The following CCAR2 variants were observed in gnomAD, a reference collection of about 807,000 sequenced individuals.
CCAR2 encodes the protein cell cycle and apoptosis regulator protein 2.
CCAR2 carries 21 observed loss-of-function variants against 108.1 expected under a neutral mutation model. The ratio of observed to expected loss-of-function variants is 0.19; its 90% CI spans 0.14 to 0.28. The LOEUF (loss-of-function observed/expected upper bound fraction) is 0.28. Ranked by LOEUF, CCAR2 falls within the 10% of genes least tolerant of loss-of-function variation. The pLI is 1.00. For missense variants in CCAR2, 1,126 were observed against 1,177.0 expected (o/e 0.96, Z 0.63); for synonymous variants, 577 against 472.8 (o/e 1.22, Z -2.86).
Position 22,619,818 on chromosome 8 carries a change from T to C in CCAR2, c.*136T>C. 1.1e-6 allele frequency: 1 copy of C among 900,868 alleles called. No individual in the cohort carries two copies. The highest frequency in any genetic ancestry group is 1.7e-6 in the Non-Finnish European group (1 of 577,692). The allele number at this position is 900,868 out of a possible 1,614,324, so 55.8% of individuals were successfully genotyped here. A position where few individuals can be genotyped will look rare whatever the true frequency, so the allele number is the denominator to read the frequency against. The stretch of plus-strand genomic sequence containing the variant: ...GGTGGCTGACCCCATGCTCAGCCTC[T>C]AGGGGACGGCAGGCCATCAGGCTGG... On this transcript the variant is annotated 3_prime_UTR_variant, in exon 21 of 21. Coordinates refer to ENST00000308511, the MANE Select transcript of CCAR2 (RefSeq NM_001393997.1).
chr8:22,617,739 A>G lies in CCAR2; in HGVS notation c.2034A>G (p.Ser678=), dbSNP rs1312121056. The G allele has an allele frequency of 1.4e-5, 23 of 1,613,960 alleles. No homozygotes were observed. The highest frequency in any genetic ancestry group is 2.7e-5 in the African/African-American group (2 of 74,916). The part of the protein sequence containing the change: ...LEDSEVRSVA[S]NQSEMEFSSL... ...ATTCGGAGGTCCGGTCCGTTGCCTC[A>G]AACCAGTCAGAGATGGAGTTCTCTT... Residue 678 remains serine (S), a synonymous_variant, in exon 16 of 21, where the codon TCA becomes TCG. Transcript: ENST00000308511.
intron 10 of CCAR2, 164 bp from the exon 11 acceptor site, chr8:22,614,673 AG>A (rs1563918324): frequency 5.7e-6 from 6 of 1,055,816 alleles, no homozygotes; most frequent in Non-Finnish European, 8.5e-6. Context: ...ACGACTAGTC[AG>A]AGAGAGCGAG....
intron 1 of CCAR2, 30 bp downstream of exon 1, chr8:22,604,872 T>TGCCCCTTC (rs1200462077): frequency 1.3e-5 from 6 of 447,150 alleles, no homozygotes; most frequent in Admixed American, 2.4e-5. Flanking sequence ...GCCGCCCCTC[T>TGCCCCTTC]GCCCCTTCGC....
chr8:22,614,930 G>C lies in CCAR2; in HGVS notation c.1134G>C (p.Gln378His). The C allele has an allele frequency of 6.2e-7, 1 of 1,613,006 alleles. No homozygotes were observed. Among genetic ancestry groups the C allele is most frequent in the Non-Finnish European group, 8.5e-7 (1 of 1,179,682 alleles). The change falls in exon 11 of 21, where the codon CAG (glutamine) becomes CAC (histidine). Residue 378 changes from glutamine (Q) to histidine (H), a missense_variant. Gln to His is a conservative substitution (Grantham distance 24). Coordinates refer to ENST00000308511, the MANE Select transcript of CCAR2 (RefSeq NM_001393997.1). Reference sequence around the variant, plus strand: ...GCCTCGACCCCCAGGCTGACCCGCAGGTGCTGGTGCGTACCGCCATCCGCT... The same window carrying C: ...GCCTCGACCCCCAGGCTGACCCGCACGTGCTGGTGCGTACCGCCATCCGCT... ...LDGLDPQADP[Q>H]VLVRTAIRCA...
In CCAR2 at chr8:22,617,451, C is replaced by T; in HGVS notation, c.1877C>T (p.Ser626Phe). ...GATGGGCTTTTGCCCAAACCACTCT[C>T]TTCTGGGGGAGAGGAAGAAGAAAAA... ...KEDGLLPKPL[S>F]SGGEEEEKPR... Residue 626 changes from serine to phenylalanine, a missense_variant, in exon 15 of 21, where the codon TCT becomes TTT. Ser to Phe is a radical substitution (Grantham distance 155). Around this residue, in one of 4 missense-constraint regions of CCAR2, gnomAD observed 1,013 missense variants for 993.9 expected, o/e 1.02. Coordinates refer to ENST00000308511, the MANE Select transcript of CCAR2 (RefSeq NM_001393997.1). The T allele has an allele frequency of 1.3e-6, 2 of 1,593,606 alleles. No homozygotes were observed. Among genetic ancestry groups the T allele is most frequent in the Non-Finnish European group, 1.7e-6 (2 of 1,170,800 alleles).
intron 14 of CCAR2, chr8:22,616,793 G>GC (rs1801527386): frequency 6.5e-6 from 1 of 153,164 alleles, no homozygotes; most frequent in Admixed American, 6.3e-5. Flanking sequence ...TCCAGCCTGG[G>GC]CGAGAGAGTA....
chr8:22,611,388 A>ATGTGTGTGTGTGTGTG lies in CCAR2; in HGVS notation c.585-1627_585-1612dup, dbSNP rs145362940. Among the ~76,000 whole-genome samples the ATGTGTGTGTGTGTGTG allele has an allele frequency of 9.4e-3, 1,202 of 128,484 alleles. 14 individuals carry two copies. Among genetic ancestry groups the ATGTGTGTGTGTGTGTG allele is most frequent in the African/African-American group, 0.015 (467 of 31,344 alleles). The allele number at this position is 128,484 out of a possible 152,430, so 84.3% of individuals were successfully genotyped here. A position where few individuals can be genotyped will look rare whatever the true frequency, so the allele number is the denominator to read the frequency against. ...AAAAAAAAAAAAAAAAAGTATATAT[A>ATGTGTGTGTGTGTGTG]TGTGTGTGTGTGTGTGTATGTGTGT... On this transcript the variant is annotated intron_variant, in intron 7 of 20. Transcript: ENST00000308511.
rs945661076 is a variant in CCAR2, at chr8:22,615,479, G to A, written c.1260G>A (p.Gln420=). ...AGCCGGGACCCCCCCGGCGGCTTCA[G>A]ACAGTGGTGGTGTACCTGCCGGATG... ...YLQPGPPRRL[Q]TVVVYLPDVW... Residue 420 remains glutamine (Q), a synonymous_variant, in exon 12 of 21, where the codon CAG becomes CAA. Transcript: ENST00000308511. 1.9e-6 allele frequency: 3 copies of A among 1,613,994 alleles called. No homozygotes were observed. Among genetic ancestry groups the A allele is most frequent in the Non-Finnish European group, 8.5e-7 (1 of 1,180,024 alleles).
intron 7 of CCAR2, among the ~76,000 whole-genome samples, chr8:22,610,970 A>ATAGTG (rs1212946943): frequency 6.6e-6 from 1 of 152,234 alleles, no homozygotes; most frequent in Non-Finnish European, 1.5e-5. Flanking sequence ...TAACGTAGTT[A>ATAGTG]TAGTGTAATA....
At chr8:22,612,951 G>A in intron 7 of CCAR2, 66 bp from the exon 8 acceptor site, 1 of 1,488,838 alleles carries the variant, frequency 6.7e-7, no homozygotes, top group Non-Finnish European at 9.0e-7. Context: ...AGTTCTTTTA[G>A]TTCAGTTTGT....
intron 7 of CCAR2, among the ~76,000 whole-genome samples, chr8:22,611,642 C>G (rs1269296279): frequency 6.6e-6 from 1 of 152,058 alleles, no homozygotes; most frequent in African/African-American, 2.4e-5. Flanking sequence ...CAATTTTAAT[C>G]TTACAGTTCA....
Position 22,614,828 on chromosome 8 carries a change from C to T in CCAR2, c.1042-10C>T, listed in dbSNP as rs118034470. On this transcript the variant is annotated splice_polypyrimidine_tract_variant and intron_variant, in intron 10 of 20. Transcript: ENST00000308511. ...GTTTTTTGTTTTGTATCCCTGATCT[C>T]TTCTTGCAGTTTTTGCTGGGCAGGA... 1.4e-4 allele frequency: 226 copies of T among 1,612,860 alleles called. 1 individual carries two copies. In the East Asian group the frequency reaches 4.9e-3, roughly 35 times the overall value.
downstream of CCAR2, chr8:22,621,485 C>G (rs766426655): frequency 6.2e-7 from 1 of 1,613,960 alleles, no homozygotes; most frequent in Non-Finnish European, 8.5e-7. Flanking sequence ...TCTCCCGCTC[C>G]CGCTGCTCAT....
rs1801659913 is a variant in CCAR2 at position 22,619,321 on chromosome 8, C to A, written c.2693C>A (p.Pro898His). Residue 898 changes from proline (P) to histidine (H), a missense_variant, in exon 20 of 21, where the codon CCC becomes CAC. Pro to His is a moderately conservative substitution (Grantham distance 77, BLOSUM62 -2). Transcript: ENST00000308511. ...CAGGAGCTCCGCAGGCGTCTGACCC[C>A]CCTGCAGCTGGAGATCCAGCGGGTG... is the stretch of plus-strand genomic sequence containing the variant. ...LLQELRRRLT[P>H]LQLEIQRVVE... 1.9e-6 allele frequency: 3 copies of A among 1,563,764 alleles called. No individual in the cohort carries two copies. Among genetic ancestry groups the A allele is most frequent in the East Asian group, 4.8e-5 (2 of 42,054 alleles).
intron 8 of CCAR2, chr8:22,613,759 G>A (rs1801388576): frequency 7.5e-6 from 2 of 266,474 alleles, no homozygotes; most frequent in East Asian, 8.3e-5. Context: ...TAATTCTTAT[G>A]TATTTCTCTT....
rs757382775 is a variant in CCAR2, at chr8:22,615,734, C to T, written c.1430C>T (p.Thr477Ile). The T allele has an allele frequency of 6.2e-7, 1 of 1,613,822 alleles. No homozygotes were observed. Among genetic ancestry groups the T allele is most frequent in the Non-Finnish European group, 8.5e-7 (1 of 1,180,016 alleles). Residue 477 changes from threonine to isoleucine, a missense_variant, in exon 13 of 21, where the codon ACT becomes ATT. By Grantham distance (89) the Thr-to-Ile change is moderately conservative. This residue lies in a region of CCAR2 where 1,013 missense variants were observed against 993.9 expected (regional missense o/e 1.02). Coordinates refer to ENST00000308511, the MANE Select transcript of CCAR2 (RefSeq NM_001393997.1). ...GATGCCTTGGAGCAAGCAGCAGACA[C>T]TTCTAGACGGAACGCAGAAACTCCA... ...APDALEQAAD[T>I]SRRNAETPEA...
At chr8:22,618,171 G>C in intron 16 of CCAR2, 178 bp from the exon 17 acceptor site, 1 of 754,804 alleles carries the variant, frequency 1.3e-6, no homozygotes, top group South Asian at 1.7e-5. Flanking sequence ...GTGCACTGCA[G>C]CCTCGAACTC....
Position 22,618,967 on chromosome 8 carries a change from G to T in CCAR2, c.2473G>T (p.Gly825Cys). 1 of 1,613,340 alleles carries T rather than the reference G, an allele frequency of 6.2e-7. No homozygotes were observed. The highest frequency in any genetic ancestry group is 8.5e-7 in the Non-Finnish European group (1 of 1,179,966). Residue 825 changes from glycine (G) to cysteine (C), a missense_variant, in exon 19 of 21, where the codon GGC (glycine) becomes TGC (cysteine). Transcript: ENST00000308511. ...LLQRAEQQDS[G>C]RLYLENKIHT... ...GCAGCGCGCGGAGCAGCAGGACAGC[G>T]GCCGGCTCTACCTAGAGAACAAGAT...
chr8:22,616,466 C>T (rs1269326831), intron 14 of CCAR2: 2 of 582,342 alleles, frequency 3.4e-6, no homozygotes, highest in Non-Finnish European at 6.1e-6. Context: ...GCACAGAAAC[C>T]CTTGTCACTG....
Sources: gnomAD v4.1 joint callset for allele counts (sites outside exome capture counted in the v4.1 genomes callset) on GRCh38, gnomAD v4.1.1 for gene constraint, gnomAD v4.1.1 regional missense constraint, MANE v1.5 for transcripts, NCBI Gene and HGNC (gene_info 2026-07-23, HGNC 2026-07-21) for gene names.